The following SLC1A7 variants were observed in gnomAD, a reference collection of about 807,000 sequenced individuals.
SLC1A7 encodes excitatory amino acid transporter 5.
SLC1A7 carries 40 observed loss-of-function variants against 47.7 expected under a neutral mutation model. The ratio of observed to expected loss-of-function variants is 0.84; its 90% CI spans 0.65 to 1.09. The LOEUF (loss-of-function observed/expected upper bound fraction) is 1.09. SLC1A7 is among the 50% of genes least tolerant of loss of function. The pLI is 0.00. For missense variants in SLC1A7, 746 were observed against 769.5 expected (o/e 0.97, Z 0.36); for synonymous variants, 323 against 325.6 (o/e 0.99, Z 0.09).
intron 4 of SLC1A7, among the ~76,000 whole-genome samples, chr1:53,103,872 C>T (rs1340754645): frequency 6.6e-6 from 1 of 152,094 alleles, no homozygotes; most frequent in East Asian, 1.9e-4. Flanking sequence ...GCCCCTTATC[C>T]ACCCAAGTAA....
chr1:53,124,896 C>T (rs145239494), intron 2 of SLC1A7, among the ~76,000 whole-genome samples: 3 of 152,256 alleles, frequency 2.0e-5, no homozygotes, highest in East Asian at 3.9e-4. Flanking sequence ...GAAGGTGCAG[C>T]GTGGAAATTC....
intron 2 of SLC1A7, among the ~76,000 whole-genome samples, chr1:53,118,865 C>A (rs1027367788): frequency 1.3e-5 from 2 of 152,182 alleles, no homozygotes; most frequent in Non-Finnish European, 2.9e-5. Context: ...GGTGTGGTGG[C>A]GCATGCCTGT....
intron 5 of SLC1A7, among the ~76,000 whole-genome samples, chr1:53,101,807 TACAC>T (rs1287860375): frequency 8.1e-6 from 1 of 124,216 alleles, no homozygotes; most frequent in Non-Finnish European, 1.7e-5. Context: ...TTGGTACACT[TACAC>T]ACCGCCTCGG....
chr1:53,131,477 G>A (rs1644941572), intron 2 of SLC1A7, among the ~76,000 whole-genome samples: 1 of 152,210 alleles, frequency 6.6e-6, no homozygotes. Context: ...AGCAGGAAAG[G>A]GCAGACAGAA....
At chr1:53,139,522 T>G (rs1480902570) in intron 1 of SLC1A7, among the ~76,000 whole-genome samples, 1 of 152,196 alleles carries the variant, frequency 6.6e-6, no homozygotes, top group Non-Finnish European at 1.5e-5. Flanking sequence ...GTCCCCCAAC[T>G]GAATTGGAAG....
At chr1:53,118,181 T>C (rs1273328698) in intron 2 of SLC1A7, among the ~76,000 whole-genome samples, 1 of 152,258 alleles carries the variant, frequency 6.6e-6, no homozygotes, top group African/African-American at 2.4e-5. Context: ...TCCTCCCTGC[T>C]GAGGCTCCTC....
chr1:53,098,762 TCA>T (rs999562490), intron 5 of SLC1A7, among the ~76,000 whole-genome samples: 46 of 143,468 alleles, frequency 3.2e-4, no homozygotes, highest in Non-Finnish European at 5.2e-4. Context: ...CTCAGTACAC[TCA>T]CACAACTTTC....
At chr1:53,135,342 C>A (rs1311806482) in intron 1 of SLC1A7, among the ~76,000 whole-genome samples, 1 of 152,218 alleles carries the variant, frequency 6.6e-6, no homozygotes, top group Non-Finnish European at 1.5e-5. Flanking sequence ...AGACCCACTC[C>A]TAAGCAGACC....
Position 53,142,528 on chromosome 1 carries a change from G to A in SLC1A7, c.-79C>T. The A allele has an allele frequency of 6.6e-7, 1 of 1,506,608 alleles. No individual in the cohort carries two copies. The highest frequency in any genetic ancestry group is 8.9e-7 in the Non-Finnish European group (1 of 1,117,614). The allele number at this position is 1,506,608 out of a possible 1,614,324, so 93.3% of individuals were successfully genotyped here. On this transcript the variant is annotated 5_prime_UTR_variant, in exon 1 of 11. Coordinates refer to ENST00000371494, the MANE Select transcript of SLC1A7 (RefSeq NM_006671.6). ...CGGCCGGGGGCACAGGGTCTGGGCT[G>A]AGGGCTCTAGCCCCTCAGCAGGCAG...
At chr1:53,093,385 G>C in intron 6 of SLC1A7, 76 bp downstream of exon 6, 1 of 1,174,552 alleles carries the variant, frequency 8.5e-7, no homozygotes. Context: ...CTTTACGGGA[G>C]AAGAGGGTGG....
chr1:53,089,177 A>C (rs928138242), intron 9 of SLC1A7, among the ~76,000 whole-genome samples, 198 bp from the exon 10 acceptor site: 1 of 152,230 alleles, frequency 6.6e-6, no homozygotes, highest in Non-Finnish European at 1.5e-5. Flanking sequence ...TGTGGGTTCC[A>C]CAGGTCCCCA....
chr1:53,095,427 T>TGCCTTGGTACACTCACACACCCC, intron 5 of SLC1A7, among the ~76,000 whole-genome samples: 1 of 151,216 alleles, frequency 6.6e-6, no homozygotes, highest in Non-Finnish European at 1.5e-5. Context: ...TCACACACCC[T>TGCCTTGGTACACTCACACACCCC]GCCTTGGTAC....
chr1:53,100,042 TACAC>T (rs376127851), intron 5 of SLC1A7, among the ~76,000 whole-genome samples: 2 of 151,002 alleles, frequency 1.3e-5, no homozygotes, highest in Non-Finnish European at 3.0e-5. Context: ...ACCACCTTGG[TACAC>T]ACACACCTTG....
At chr1:53,142,294 G>A (rs376232941) in intron 1 of SLC1A7, 21 bp downstream of exon 1, 189 of 1,551,208 alleles carry the variant, frequency 1.2e-4, no homozygotes, top group Admixed American at 1.6e-4. Flanking sequence ...CAGGGGTCCC[G>A]AGATGCTCTG....
At chr1:53,114,450 G>T in intron 3 of SLC1A7, 2 of 409,282 alleles carry the variant, frequency 4.9e-6, no homozygotes, top group Non-Finnish European at 8.9e-6. Flanking sequence ...AATAAACAAA[G>T]GGAGGGGCCA....
intron 2 of SLC1A7, among the ~76,000 whole-genome samples, chr1:53,124,254 ACACAC>A (rs200287183): frequency 0.041 from 6,098 of 150,490 alleles, 203 homozygotes; most frequent in East Asian, 0.12. Flanking sequence ...TACACAACAC[ACACAC>A]ACACACACAC....
Position 53,090,755 on chromosome 1 carries a change from G to C in SLC1A7, c.1083C>G (p.Ile361Met), listed in dbSNP as rs761706271. The C allele has an allele frequency of 5.0e-6, 8 of 1,613,632 alleles. No individual in the cohort carries two copies. The highest frequency in any genetic ancestry group is 6.8e-6 in the Non-Finnish European group (8 of 1,179,850). Residue 361 changes from isoleucine (I) to methionine (M), a missense_variant, in exon 8 of 11, where the codon ATC becomes ATG. Physicochemically the swap from Ile to Met is conservative, Grantham distance 10. Transcript: ENST00000371494. ...TFKCLLENNH[I>M]DRRIARFVLP... ...GCACGAAGCGAGCGATGCGCCGGTC[G>C]ATGTGGTTGTTCTCCAGCAGGCACT...
At chr1:53,106,358 C>T (rs1392792162) in intron 3 of SLC1A7, among the ~76,000 whole-genome samples, 1 of 151,906 alleles carries the variant, frequency 6.6e-6, no homozygotes, top group Non-Finnish European at 1.5e-5. Context: ...TGGCTCACGC[C>T]TGTAATCCCA....
At chr1:53,142,158 C>T (rs1444269067) in intron 1 of SLC1A7, among the ~76,000 whole-genome samples, 157 bp downstream of exon 1, 1 of 152,152 alleles carries the variant, frequency 6.6e-6, no homozygotes. Context: ...GTTTATCACA[C>T]CCATGTTACA....
Sources: gnomAD v4.1 joint callset for allele counts (sites outside exome capture counted in the v4.1 genomes callset) on GRCh38, gnomAD v4.1.1 for gene constraint, MANE v1.5 for transcripts, NCBI Gene and HGNC (gene_info 2026-07-23, HGNC 2026-07-21) for gene names.